ST3GAL5: variants seen among roughly 807,000 people sequenced by gnomAD.
ST3GAL5 encodes lactosylceramide alpha-2,3-sialyltransferase.
In ST3GAL5, 25 loss-of-function variants were observed where a neutral mutation model predicts 46.1. The ratio of observed to expected loss-of-function variants is 0.54; its 90% confidence interval spans 0.40 to 0.76. The LOEUF (loss-of-function observed/expected upper bound fraction) is 0.76. Among genes scored for constraint, ST3GAL5 ranks in the 30% least tolerant of loss-of-function variants. ST3GAL5 has a pLI of 0.00. For synonymous variants in ST3GAL5, 182 were observed against 192.7 expected, an observed-to-expected ratio of 0.94 and a Z score of 0.46; for missense variants, 431 against 521.2, an observed-to-expected ratio of 0.83 and a Z score of 1.69.
rs555634860 is a variant in ST3GAL5 at position 85,840,905 on chromosome 2, C to T, written c.1009-513G>A. 2.0e-4 allele frequency among the ~76,000 whole-genome samples: 27 copies of T among 134,480 alleles called. No homozygotes were observed. In the South Asian group the frequency reaches 6.6e-3, roughly 33 times the overall value. The allele number at this position is 134,480 out of a possible 152,430, so 88.2% of individuals were successfully genotyped here. A position where few individuals can be genotyped will look rare whatever the true frequency, so the allele number is the denominator to read the frequency against. Reference sequence around the variant, plus strand: ...GCTGCAGTGAGCCGAGATCGAGCCACTGCACTCCACCCTGGCGACAGAGCA... The same window carrying T: ...GCTGCAGTGAGCCGAGATCGAGCCATTGCACTCCACCCTGGCGACAGAGCA... On this transcript the variant is annotated intron_variant, in intron 6 of 6. Coordinates refer to ENST00000638572, the MANE Select transcript of ST3GAL5 (RefSeq NM_003896.4).
At chr2:85,889,007 C>G (rs886056395), upstream of ST3GAL5, 4 of 910,078 alleles carry the variant, frequency 4.4e-6, no homozygotes, top group Non-Finnish European at 2.8e-6. Context: ...CGCCGCTCCC[C>G]CGCTCAGATG....
intron 3 of ST3GAL5, among the ~76,000 whole-genome samples, chr2:85,859,352 G>A (rs1229326621): frequency 6.6e-6 from 1 of 152,188 alleles, no homozygotes; most frequent in African/African-American, 2.4e-5. Flanking sequence ...GACTTTCTCA[G>A]AAGACAAAAA....
At chr2:85,847,181 G>A (rs1422300793) in intron 4 of ST3GAL5, among the ~76,000 whole-genome samples, 2 of 152,128 alleles carry the variant, frequency 1.3e-5, no homozygotes, top group East Asian at 3.9e-4. Context: ...TTCTCTGTGT[G>A]CCTTCCATGT....
At chr2:85,886,039 A>G (rs1051670688) in intron 1 of ST3GAL5, among the ~76,000 whole-genome samples, 3 of 152,142 alleles carry the variant, frequency 2.0e-5, no homozygotes, top group Non-Finnish European at 4.4e-5. Flanking sequence ...TGGTATATTC[A>G]CCCAATGGCC....
rs2104281986 is a variant in ST3GAL5, at chr2:85,888,856, C to A, written c.50G>T (p.Arg17Leu). ...GCAERRPLQP[R>L]TEAAAAPAGR... ...GGCAGGTGCCGCCGCTGCCTCGGTC[C>A]GCGGCTGCAGGGGACGCCGCTCCGC... The change falls in exon 1 of 7, where the codon CGG becomes CTG. Residue 17 changes from arginine (R) to leucine (L), a missense_variant. By Grantham distance (102) the Arg-to-Leu change is moderately radical. Transcript: ENST00000638572. 1 of 1,347,400 alleles carries A rather than the reference C, an allele frequency of 7.4e-7. No homozygotes were observed. Among genetic ancestry groups the A allele is most frequent in the Non-Finnish European group, 9.6e-7 (1 of 1,042,958 alleles). 83.5% of individuals were successfully genotyped at this position (1,347,400 alleles called of 1,614,324 possible).
intron 3 of ST3GAL5, chr2:85,858,269 CCT>C (rs1684366609): frequency 6.6e-6 from 1 of 152,198 alleles, no homozygotes; most frequent in East Asian, 1.9e-4. Context: ...CAGAAAGGCC[CCT>C]GAGCCCCTCC....
chr2:85,855,703 T>C (rs976091525), intron 3 of ST3GAL5: 4 of 152,140 alleles, frequency 2.6e-5, no homozygotes, highest in East Asian at 1.9e-4. Flanking sequence ...ATACCAGATA[T>C]AGGGTACTGG....
At chr2:85,846,159 G>A (rs1178954363) in intron 5 of ST3GAL5, 1 of 530,844 alleles carries the variant, frequency 1.9e-6, no homozygotes, top group East Asian at 3.4e-5. Context: ...CTGCACCACT[G>A]CACTCCAGCC....
At position 85,840,193 on chromosome 2, in the gene ST3GAL5, T is replaced by C. The variant is rs963371775; in HGVS notation, c.1208A>G (p.Lys403Arg). 2.5e-6 allele frequency: 4 copies of C among 1,614,202 alleles called. No homozygotes were observed. Among genetic ancestry groups the C allele is most frequent in the Non-Finnish European group, 3.4e-6 (4 of 1,180,038 alleles). The change falls in exon 7 of 7, where the codon AAA becomes AGA. Residue 403 changes from lysine (K) to arginine (R), a missense_variant. Lys to Arg is a conservative substitution (Grantham distance 26). Transcript: ENST00000638572. ...TETKFLLKLV[K>R]EGVVKDLSGG... ...ACTGAGATCTTTCACCACTCCCTCTTTGACCAGCTTTAAGAGGAACTTGGT... is the reference window on the plus strand; with the variant it reads ...ACTGAGATCTTTCACCACTCCCTCTCTGACCAGCTTTAAGAGGAACTTGGT...
At chr2:85,886,697 C>T (rs1304610610) in intron 1 of ST3GAL5, among the ~76,000 whole-genome samples, 1 of 152,096 alleles carries the variant, frequency 6.6e-6, no homozygotes, top group East Asian at 1.9e-4. Context: ...GGCTGTCTCC[C>T]GGGCGAGCCT....
chr2:85,854,950 A>T (rs916364936), intron 3 of ST3GAL5: 1 of 152,272 alleles, frequency 6.6e-6, no homozygotes, highest in African/African-American at 2.4e-5. Flanking sequence ...CAGAAGGGCG[A>T]AGGGCAGGGA....
rs886056391 is a variant in ST3GAL5, at chr2:85,840,075, T to C, written c.*69A>G. 179 of 1,610,258 alleles carry C rather than the reference T, an allele frequency of 1.1e-4. No homozygotes were observed. The highest frequency in any genetic ancestry group is 1.4e-4 in the Non-Finnish European group (170 of 1,177,424). On this transcript the variant is annotated 3_prime_UTR_variant, in exon 7 of 7. Coordinates refer to ENST00000638572, the MANE Select transcript of ST3GAL5 (RefSeq NM_003896.4). ...TCAAAGTATCTGCAGGATGGAGAAA[T>C]ACATCAAGAAGGCTGTCAAAAACAG...
rs1487482349 is a variant in ST3GAL5 at position 85,839,225 on chromosome 2, A to G, written c.*919T>C. ...GGTATACACCGCCAGGTAGGCATTC[A>G]GAAAAGTTTCTTTTTTTTAAATACA... On this transcript the variant is annotated 3_prime_UTR_variant, in exon 7 of 7. Coordinates refer to ENST00000638572, the MANE Select transcript of ST3GAL5 (RefSeq NM_003896.4). The G allele has an allele frequency of 6.6e-6, 1 of 152,260 alleles. No individual in the cohort carries two copies. The highest frequency in any genetic ancestry group is 2.4e-5 in the African/African-American group (1 of 41,474). The allele number at this position is 152,260 out of a possible 1,614,324, so 9.4% of individuals were successfully genotyped here. A position where few individuals can be genotyped will look rare whatever the true frequency, so the allele number is the denominator to read the frequency against.
intron 4 of ST3GAL5, chr2:85,847,294 C>T: frequency 1.1e-6 from 1 of 883,620 alleles, no homozygotes; most frequent in Non-Finnish European, 1.4e-6. Flanking sequence ...CTTCTTGCCC[C>T]TGTCTGGGAG....
Position 85,840,324 on chromosome 2 carries a change from C to T in ST3GAL5, c.1077G>A (p.Ala359=), listed in dbSNP as rs370536081. ...GTTGATTGAGGTCATATCCAAAACC[C>T]GCCAAACTGACTTCATCGCACAGAT... ...ATHLCDEVSL[A]GFGYDLNQPR... Residue 359 remains alanine, a synonymous_variant, in exon 7 of 7, where the codon GCG becomes GCA. Transcript: ENST00000638572. 6 of 1,613,762 alleles carry T rather than the reference C, an allele frequency of 3.7e-6. No individual in the cohort carries two copies. The highest frequency in any genetic ancestry group is 1.1e-5 in the South Asian group (1 of 91,084).
intron 1 of ST3GAL5, among the ~76,000 whole-genome samples, chr2:85,873,205 C>A (rs1686147120): frequency 6.6e-6 from 1 of 152,258 alleles, no homozygotes; most frequent in Admixed American, 6.5e-5. Context: ...TAAAGGCTGG[C>A]CCCCTCGCCT....
intron 3 of ST3GAL5, chr2:85,850,520 T>C (rs35493914): frequency 0.31 from 46,782 of 152,210 alleles, 7,596 homozygotes; most frequent in East Asian, 0.54. Flanking sequence ...GCCCAGCAGG[T>C]GATGCTCCGG....
intron 6 of ST3GAL5, among the ~76,000 whole-genome samples, chr2:85,841,235 C>G (rs1682042828): frequency 1.3e-5 from 2 of 152,100 alleles, no homozygotes; most frequent in African/African-American, 4.8e-5. Flanking sequence ...CACTTAAGGG[C>G]CCCATTGGCT....
At chr2:85,873,134 A>T (rs1686138862) in intron 1 of ST3GAL5, among the ~76,000 whole-genome samples, 1 of 152,134 alleles carries the variant, frequency 6.6e-6, no homozygotes, top group African/African-American at 2.4e-5. Flanking sequence ...CTACTAGAAC[A>T]CGGGTGTCCC....
Sources: gnomAD v4.1 joint callset for allele counts (sites outside exome capture counted in the v4.1 genomes callset) on GRCh38, gnomAD v4.1.1 for gene constraint, MANE v1.5 for transcripts, NCBI Gene and HGNC (gene_info 2026-07-23, HGNC 2026-07-21) for gene names.